FAS: variants seen among roughly 807,000 people sequenced by gnomAD.
FAS encodes the protein Fas cell surface death receptor.
Under a neutral mutation model 33.2 loss-of-function variants are expected in FAS, and 5 were observed. The ratio of observed to expected loss-of-function variants is 0.15; its 90% CI spans 0.08 to 0.32. FAS has a LOEUF of 0.32. Among genes scored for constraint, FAS ranks in the 10% least tolerant of loss-of-function variants. The pLI is 1.00. For missense variants in FAS, 339 were observed against 386.0 expected, an observed-to-expected ratio of 0.88 and a Z score of 1.02; for synonymous variants, 131 against 130.7, an observed-to-expected ratio of 1.00 and a Z score of -0.01.
Position 89,014,847 on chromosome 10 carries a change from C to G in FAS, c.*397C>G, listed in dbSNP as rs869229311. The stretch of plus-strand genomic sequence containing the variant: ...CAATAGAAGAAGCTATGACCTTTTG[C>G]TGAAATATCAGTTACTGAACAGGCA... On this transcript the variant is annotated 3_prime_UTR_variant, in exon 9 of 9. Coordinates refer to ENST00000652046, the MANE Select transcript of FAS (RefSeq NM_000043.6). 1 of 539,846 alleles carries G rather than the reference C, an allele frequency of 1.9e-6. No homozygotes were observed. Among genetic ancestry groups the G allele is most frequent in the Admixed American group, 2.2e-5 (1 of 45,218 alleles). The allele number at this position is 539,846 out of a possible 1,614,324, so 33.4% of individuals were successfully genotyped here.
chr10:88,973,250 T>C (rs757141262), exon 2 of FAS: 4 of 1,612,712 alleles, frequency 2.5e-6, no homozygotes, highest in Non-Finnish European at 3.4e-6. Context: ...AAATTGGCTA[T>C]GGACCAAATG....
intron 1 of FAS, among the ~76,000 whole-genome samples, chr10:88,995,637 G>A (rs1435530615): frequency 6.6e-6 from 1 of 152,140 alleles, no homozygotes; most frequent in Non-Finnish European, 1.5e-5. Flanking sequence ...AGACCAGCCT[G>A]GCCAACATGG....
chr10:88,999,967 A>G (rs4406737), intron 1 of FAS, among the ~76,000 whole-genome samples: 75,900 of 152,092 alleles, frequency 0.5, 19,648 homozygotes, highest in Non-Finnish European at 0.56. Flanking sequence ...CTGAGCTTTC[A>G]ATTTCAAAAA....
At chr10:88,991,045 G>T (rs1430917346) in intron 1 of FAS, 139 bp downstream of exon 1, 2 of 1,148,618 alleles carry the variant, frequency 1.7e-6, no homozygotes, top group African/African-American at 3.1e-5. Flanking sequence ...GCTGCTGCGG[G>T]AGGCGTTGGA....
At chr10:88,981,988 G>A (rs545840760), upstream of FAS, among the ~76,000 whole-genome samples, 23 of 152,314 alleles carry the variant, frequency 1.5e-4, no homozygotes, top group Non-Finnish European at 1.6e-4. Context: ...CTGTAGGTGT[G>A]GGTATGAGAA....
Position 89,013,329 on chromosome 10 carries a change from T to G in FAS, c.652-14T>G. 6.2e-7 allele frequency: 1 copy of G among 1,609,968 alleles called. No homozygotes were observed. Among genetic ancestry groups the G allele is most frequent in the Non-Finnish European group, 8.5e-7 (1 of 1,177,612 alleles). On this transcript the variant is annotated splice_polypyrimidine_tract_variant and intron_variant, in intron 7 of 8. Transcript: ENST00000652046. ...TTTATTTGTCTTTCTCTGCTTCCAT[T>G]TTTTGCTTTCTAGGAAACAGTGGCA... is the stretch of plus-strand genomic sequence containing the variant.
chr10:89,011,742 T>C (rs2133537019), intron 6 of FAS, among the ~76,000 whole-genome samples: 1 of 152,218 alleles, frequency 6.6e-6, no homozygotes, highest in East Asian at 1.9e-4. Context: ...TGCCATATGG[T>C]AAGTCAAAAG....
chr10:89,007,642 C>A lies in FAS; in HGVS notation c.197-58C>A. ...ATTGTCTGTCATCCCTCTATAGTTC[C>A]CACCCTGTTACCTGCCCGTGTCCTG... On this transcript the variant is annotated intron_variant, in intron 2 of 8. Coordinates refer to ENST00000652046, the MANE Select transcript of FAS (RefSeq NM_000043.6). 3 of 1,600,492 alleles carry A rather than the reference C, an allele frequency of 1.9e-6. No homozygotes were observed. In the South Asian group the frequency reaches 3.3e-5, roughly 18 times the overall value.
upstream of FAS, among the ~76,000 whole-genome samples, chr10:88,982,043 G>A (rs144966381): frequency 1.3e-5 from 2 of 152,366 alleles, no homozygotes; most frequent in East Asian, 3.9e-4. Flanking sequence ...CATAGTGAGT[G>A]CTTGATTAAC....
upstream of FAS, among the ~76,000 whole-genome samples, chr10:88,982,817 C>T (rs1846743620): frequency 6.6e-6 from 1 of 152,040 alleles, no homozygotes; most frequent in African/African-American, 2.4e-5. Flanking sequence ...TGTTGATTTC[C>T]CTACATTTCC....
At chr10:88,996,694 A>C (rs1417831990) in intron 1 of FAS, among the ~76,000 whole-genome samples, 1 of 152,252 alleles carries the variant, frequency 6.6e-6, no homozygotes, top group African/African-American at 2.4e-5. Flanking sequence ...ATATGTACAT[A>C]ATTATCTTCC....
At chr10:89,007,520 T>C (rs1172407032) in intron 2 of FAS, among the ~76,000 whole-genome samples, 180 bp from the exon 3 acceptor site, 2 of 152,246 alleles carry the variant, frequency 1.3e-5, no homozygotes, top group East Asian at 3.8e-4. Context: ...TGGGAGACTT[T>C]CTGTCTGTTG....
chr10:88,983,766 G>A (rs1950455950), upstream of FAS, among the ~76,000 whole-genome samples: 1 of 151,794 alleles, frequency 6.6e-6, no homozygotes, highest in African/African-American at 2.4e-5. Flanking sequence ...TATTTGTGTG[G>A]TTTAAATAAA....
intron 1 of FAS, among the ~76,000 whole-genome samples, chr10:88,969,115 A>T (rs1336372505): frequency 6.6e-6 from 1 of 152,164 alleles, no homozygotes; most frequent in Non-Finnish European, 1.5e-5. Flanking sequence ...AATAATACTC[A>T]AGACAAACAC....
intron 1 of FAS, among the ~76,000 whole-genome samples, chr10:89,001,380 T>C (rs9658723): frequency 6.6e-6 from 1 of 151,932 alleles, no homozygotes; most frequent in Non-Finnish European, 1.5e-5. Context: ...GTTTTTTTCT[T>C]CCTTCTTTTG....
chr10:88,973,056 A>C (rs1265077729), intron 1 of FAS: 1 of 1,091,214 alleles, frequency 9.2e-7, no homozygotes, highest in African/African-American at 1.6e-5. Context: ...TTTAAAAGCT[A>C]ACCTTGTAAG....
rs913017972 is a variant in FAS at position 89,008,920 on chromosome 10, C to A, written c.366C>A (p.Thr122=). 1 of 1,613,928 alleles carries A rather than the reference C, an allele frequency of 6.2e-7. No homozygotes were observed. The highest frequency in any genetic ancestry group is 1.6e-4 in the Middle Eastern group (1 of 6,062). ...GLEVEINCTR[T]QNTKCRCKPN... ...AAGTGGAAATAAACTGCACCCGGAC[C>A]CAGAATACCAAGTGCAGATGTAAAC... Residue 122 remains threonine (T), a synonymous_variant, in exon 4 of 9, where the codon ACC becomes ACA. Coordinates refer to ENST00000652046, the MANE Select transcript of FAS (RefSeq NM_000043.6).
At chr10:89,013,134 T>C (rs1274274545) in intron 7 of FAS, among the ~76,000 whole-genome samples, 1 of 152,176 alleles carries the variant, frequency 6.6e-6, no homozygotes, top group African/African-American at 2.4e-5. Flanking sequence ...CAATATTGCT[T>C]AGTTTCTGGC....
At chr10:89,011,039 A>G (rs1211360364) in intron 6 of FAS, 5 of 592,862 alleles carry the variant, frequency 8.4e-6, no homozygotes, top group African/African-American at 7.4e-5. Context: ...TGGTATTCTC[A>G]TCCTTCCTAT....
Sources: gnomAD v4.1 joint callset for allele counts (sites outside exome capture counted in the v4.1 genomes callset) on GRCh38, gnomAD v4.1.1 for gene constraint, MANE v1.5 for transcripts, NCBI Gene and HGNC (gene_info 2026-07-23, HGNC 2026-07-21) for gene names.